The following SNX2 variants were observed in gnomAD, a reference collection of about 807,000 sequenced individuals.
SNX2 encodes sorting nexin 2, also known as sorting nexin-2.
Under a neutral mutation model 69.9 loss-of-function variants are expected in SNX2, and 25 were observed. That is an observed-to-expected ratio of 0.36 (90% CI 0.26 to 0.50). The LOEUF (loss-of-function observed/expected upper bound fraction) is 0.50. Ranked by LOEUF, SNX2 falls within the 20% of genes least tolerant of loss-of-function variation. The probability of loss-of-function intolerance (pLI) is 0.97; values close to 1 mark genes in which losing one functional copy is unlikely to be tolerated. For synonymous variants in SNX2, 229 were observed against 200.4 expected, an observed-to-expected ratio of 1.14 and a Z score of -1.20; for missense variants, 551 against 613.3, an observed-to-expected ratio of 0.90 and a Z score of 1.07.
chr5:122,787,576 G>T (rs1187550851), intron 1 of SNX2, among the ~76,000 whole-genome samples: 2 of 151,994 alleles, frequency 1.3e-5, no homozygotes, highest in African/African-American at 4.8e-5. Flanking sequence ...GTTGAGCGGG[G>T]TACTCCAAGC....
chr5:122,776,615 C>A (rs1322989405), intron 1 of SNX2, among the ~76,000 whole-genome samples: 1 of 152,170 alleles, frequency 6.6e-6, no homozygotes, highest in Non-Finnish European at 1.5e-5. Context: ...TTAGCCCTTT[C>A]TACTTACTAT....
At chr5:122,791,281 G>T (rs1352360594) in intron 1 of SNX2, among the ~76,000 whole-genome samples, 1 of 151,852 alleles carries the variant, frequency 6.6e-6, no homozygotes, top group Non-Finnish European at 1.5e-5. Flanking sequence ...GCGCCACCAT[G>T]CCCGGCTACT....
chr5:122,787,810 A>G (rs1196135405), intron 1 of SNX2, among the ~76,000 whole-genome samples: 1 of 152,176 alleles, frequency 6.6e-6, no homozygotes, highest in Non-Finnish European at 1.5e-5. Context: ...CGAGTACCCA[A>G]GGTATTAGCA....
chr5:122,798,967 T>A (rs897567041), intron 2 of SNX2, among the ~76,000 whole-genome samples: 7 of 152,172 alleles, frequency 4.6e-5, no homozygotes, highest in Non-Finnish European at 1.0e-4. Flanking sequence ...TGTCTTGTTT[T>A]CCCCAACTAA....
At chr5:122,796,501 T>TA (rs1477928345) in intron 2 of SNX2, among the ~76,000 whole-genome samples, 2 of 152,216 alleles carry the variant, frequency 1.3e-5, no homozygotes, top group Non-Finnish European at 2.9e-5. Flanking sequence ...CCTAACAACT[T>TA]AGAGTCAAAA....
Position 122,832,116 on chromosome 5 carries a change from CGTTT to C in SNX2, c.*2477_*2480del, listed in dbSNP as rs766986506. Among the ~76,000 whole-genome samples the C allele has an allele frequency of 2.4e-4, 37 of 152,236 alleles. No individual in the cohort carries two copies. The highest frequency in any genetic ancestry group is 3.5e-4 in the Non-Finnish European group (24 of 68,006). On this transcript the variant is annotated 3_prime_UTR_variant, in exon 15 of 15. Coordinates refer to ENST00000379516, the MANE Select transcript of SNX2 (RefSeq NM_003100.4). ...TTTCATTGGATAGGTCTGAGTTTAG[CGTTT>C]GTTTGTTTTCTTAATGAGATCAAAA...
rs145023076 is a variant in SNX2, at chr5:122,804,320, C to G, written c.643+707C>G. 6.0e-5 allele frequency among the ~76,000 whole-genome samples: 9 copies of G among 151,080 alleles called. No homozygotes were observed. In the East Asian group the frequency reaches 1.7e-3, roughly 29 times the overall value. On this transcript the variant is annotated intron_variant, in intron 6 of 14. Transcript: ENST00000379516. ...TCATATAAGAGCTATTTAAATTCAT[C>G]TTAGTTCATTTCGTACCTCAATTTA... is the stretch of plus-strand genomic sequence containing the variant.
In SNX2 at chr5:122,829,907, TTG is replaced by T. The variant is rs1410015979; in HGVS notation, c.*263_*264del. 1 of 495,272 alleles carries T rather than the reference TTG, an allele frequency of 2.0e-6. No homozygotes were observed. Among genetic ancestry groups the T allele is most frequent in the Non-Finnish European group, 3.6e-6 (1 of 274,206 alleles). The allele number at this position is 495,272 out of a possible 1,614,324, so 30.7% of individuals were successfully genotyped here. A position where few individuals can be genotyped will look rare whatever the true frequency, so the allele number is the denominator to read the frequency against. On this transcript the variant is annotated 3_prime_UTR_variant, in exon 15 of 15. Coordinates refer to ENST00000379516, the MANE Select transcript of SNX2 (RefSeq NM_003100.4). ...CAATACTTTGCTGAATTGAACACTA[TTG>T]TGTCTTAAATACTTGCACTAAATAG...
At position 122,833,437 on chromosome 5, in the gene SNX2, TAATC is replaced by T. The variant is rs1378053655; in HGVS notation, c.*3790_*3793del. 1 of 152,188 alleles carries T rather than the reference TAATC, an allele frequency of 6.6e-6. No homozygotes were observed. 9.4% of individuals were successfully genotyped at this position (152,188 alleles called of 1,614,324 possible). On this transcript the variant is annotated 3_prime_UTR_variant, in exon 15 of 15. Coordinates refer to ENST00000379516, the MANE Select transcript of SNX2 (RefSeq NM_003100.4). ...GTTAAAAAGTAAAAAACAATTTTAATAATCCAGTAGCTCCAAAATATTATTTTAA... is the reference window on the plus strand; with the variant it reads ...GTTAAAAAGTAAAAAACAATTTTAATCAGTAGCTCCAAAATATTATTTTAA...
In SNX2 at chr5:122,799,917, C is replaced by T. The variant is rs984412538; in HGVS notation, c.390+62C>T. 8 of 1,277,990 alleles carry T rather than the reference C, an allele frequency of 6.3e-6. No individual in the cohort carries two copies. In the African/African-American group the frequency reaches 1.1e-4, roughly 17 times the overall value. The allele number at this position is 1,277,990 out of a possible 1,614,324, so 79.2% of individuals were successfully genotyped here. A position where few individuals can be genotyped will look rare whatever the true frequency, so the allele number is the denominator to read the frequency against. On this transcript the variant is annotated intron_variant, in intron 3 of 14. Transcript: ENST00000379516. Reference sequence around the variant, plus strand: ...TATACCTTTTTTCCCCACCCAACATCACTCTGCTGTTAGTCATTTCTAATC... The same window carrying T: ...TATACCTTTTTTCCCCACCCAACATTACTCTGCTGTTAGTCATTTCTAATC...
chr5:122,780,110 T>C (rs1310545157), intron 1 of SNX2, among the ~76,000 whole-genome samples: 2 of 152,240 alleles, frequency 1.3e-5, no homozygotes, highest in Non-Finnish European at 2.9e-5. Flanking sequence ...GGTTATGTTA[T>C]ATCAGTGAAG....
At chr5:122,807,268 GA>G (rs1010067986) in intron 6 of SNX2, among the ~76,000 whole-genome samples, 18 of 139,792 alleles carry the variant, frequency 1.3e-4, no homozygotes, top group Admixed American at 9.1e-4. Context: ...TTTCGAAAAA[GA>G]AAAAAAAAAG....
At chr5:122,809,200 G>A (rs1303819988) in intron 7 of SNX2, among the ~76,000 whole-genome samples, 5 of 152,200 alleles carry the variant, frequency 3.3e-5, no homozygotes, top group Admixed American at 2.0e-4. Flanking sequence ...ATGACTTAAA[G>A]TATATGAGAG....
intron 1 of SNX2, among the ~76,000 whole-genome samples, chr5:122,776,861 C>T (rs959718327): frequency 3.9e-5 from 6 of 152,218 alleles, no homozygotes; most frequent in South Asian, 2.1e-4. Context: ...CAGAGTGTTA[C>T]AACCTTTTTT....
intron 10 of SNX2, 37 bp downstream of exon 10, chr5:122,817,410 A>G (rs766997236): frequency 1.1e-5 from 13 of 1,197,216 alleles, no homozygotes; most frequent in Non-Finnish European, 1.4e-5. Context: ...TTAGCACCAT[A>G]AAACTAATGA....
At position 122,794,059 on chromosome 5, in the gene SNX2, C is replaced by T. The variant is rs1306202092; in HGVS notation, c.109-1207C>T. On this transcript the variant is annotated intron_variant, in intron 1 of 14. Coordinates refer to ENST00000379516, the MANE Select transcript of SNX2 (RefSeq NM_003100.4). ...ACAAGAGTGGCTCATTCCTGTGATC[C>T]CAGCACTTTGGGAGGCTGAGGCGGG... Among the ~76,000 whole-genome samples the T allele has an allele frequency of 2.0e-5, 3 of 151,928 alleles. No homozygotes were observed. The East Asian group carries it at 5.8e-4, about 29-fold the overall frequency.
At chr5:122,795,488 G>A in intron 2 of SNX2, 105 bp downstream of exon 2, 1 of 731,972 alleles carries the variant, frequency 1.4e-6, no homozygotes, top group Admixed American at 2.6e-5. Context: ...AAGTGTTAGT[G>A]GCAGCTCTTG....
At chr5:122,781,288 T>C (rs1752976284) in intron 1 of SNX2, among the ~76,000 whole-genome samples, 1 of 152,214 alleles carries the variant, frequency 6.6e-6, no homozygotes, top group South Asian at 2.1e-4. Flanking sequence ...AGAGTTTGAC[T>C]TTCTTTAACT....
At chr5:122,823,737 TC>T (rs1754081440) in intron 11 of SNX2, among the ~76,000 whole-genome samples, 1 of 140,742 alleles carries the variant, frequency 7.1e-6, no homozygotes, top group Non-Finnish European at 1.5e-5. Context: ...TGTGTGTGTG[TC>T]GGAAGTGAGA....
Sources: allele counts gnomAD v4.1 joint callset (sites outside exome capture counted in the v4.1 genomes callset), GRCh38; gene constraint gnomAD v4.1.1; transcripts MANE v1.5; gene names NCBI Gene and HGNC (gene_info 2026-07-23, HGNC 2026-07-21).